The following SPIDR variants were observed in gnomAD, a reference collection of about 807,000 sequenced individuals.
SPIDR encodes the protein scaffold protein involved in DNA repair.
A neutral mutation model predicts 104.6 loss-of-function variants in SPIDR; 93 were observed. The ratio of observed to expected loss-of-function variants is 0.89; its 90% CI spans 0.75 to 1.06. SPIDR has a LOEUF of 1.06. SPIDR is among the 50% of genes least tolerant of loss of function. SPIDR has a pLI of 0.00. For missense variants in SPIDR, 1,154 were observed against 1,111.2 expected (o/e 1.04, Z -0.55); for synonymous variants, 431 against 416.9 (o/e 1.03, Z -0.41).
intron 8 of SPIDR, among the ~76,000 whole-genome samples, chr8:47,506,196 A>G (rs1344564103): frequency 2.0e-5 from 3 of 152,232 alleles, no homozygotes; most frequent in Non-Finnish European, 4.4e-5. Context: ...TGGAAGTAAC[A>G]CAGGGAGGAG....
chr8:47,729,465 G>C lies in SPIDR; in HGVS notation c.2604G>C (p.Gly868=), dbSNP rs1028218904. 1.3e-6 allele frequency: 2 copies of C among 1,595,486 alleles called. No homozygotes were observed. Among genetic ancestry groups the C allele is most frequent in the African/African-American group, 2.7e-5 (2 of 74,792 alleles). ...TGAGGTTTGCCGCCGGTGAAGATGG[G>C]GTAAGTGCAGGGGGCCCAGCCCAGG... The part of the protein sequence containing the change: ...SLLRFAAGED[G]SYEVKSVLGK... The change falls in exon 19 of 20, where the codon GGG becomes GGC. Residue 868 remains glycine (G), a splice_region_variant and synonymous_variant. Coordinates refer to ENST00000297423, the MANE Select transcript of SPIDR (RefSeq NM_001080394.4).
intron 5 of SPIDR, among the ~76,000 whole-genome samples, chr8:47,296,730 G>GT (rs1554573000): frequency 3.3e-5 from 5 of 152,074 alleles, no homozygotes; most frequent in Non-Finnish European, 5.9e-5. Context: ...GCCATTTGGG[G>GT]TTTTTTGTGG....
At chr8:47,527,801 G>T (rs2085267717) in intron 8 of SPIDR, 1 of 152,234 alleles carries the variant, frequency 6.6e-6, no homozygotes, top group African/African-American at 2.4e-5. Flanking sequence ...TTTGGACAGA[G>T]AGCTACTATT....
chr8:47,729,589 G>A (rs1048058123), intron 19 of SPIDR, 124 bp downstream of exon 19: 1 of 1,085,612 alleles, frequency 9.2e-7, no homozygotes, highest in South Asian at 1.5e-5. Context: ...AGGAAGTGGT[G>A]TAGACACTCG....
chr8:47,433,123 C>T (rs2067652684), intron 7 of SPIDR, among the ~76,000 whole-genome samples: 1 of 152,168 alleles, frequency 6.6e-6, no homozygotes, highest in Non-Finnish European at 1.5e-5. Flanking sequence ...CCACTGGAGT[C>T]ATTCTTGTAC....
chr8:47,702,400 G>A (rs2080425148), intron 14 of SPIDR, among the ~76,000 whole-genome samples: 1 of 152,142 alleles, frequency 6.6e-6, no homozygotes, highest in Non-Finnish European at 1.5e-5. Flanking sequence ...GGAAAGAGAT[G>A]GAGAAACCTC....
intron 18 of SPIDR, 120 bp from the exon 19 acceptor site, chr8:47,729,292 C>T: frequency 6.9e-7 from 1 of 1,459,000 alleles, no homozygotes; most frequent in Non-Finnish European, 9.2e-7. Flanking sequence ...GGCCGTGAGA[C>T]TGAAGCTCTG....
At chr8:47,399,111 G>C (rs563316154) in intron 6 of SPIDR, among the ~76,000 whole-genome samples, 4 of 152,304 alleles carry the variant, frequency 2.6e-5, no homozygotes, top group Admixed American at 2.6e-4. Context: ...TGAATGTGAG[G>C]GTCAAGGTTT....
At chr8:47,326,760 C>T (rs1346968107) in intron 5 of SPIDR, among the ~76,000 whole-genome samples, 1 of 152,188 alleles carries the variant, frequency 6.6e-6, no homozygotes, top group Non-Finnish European at 1.5e-5. Context: ...TGAGGTTCCT[C>T]CACATTGTAG....
intron 5 of SPIDR, among the ~76,000 whole-genome samples, chr8:47,356,696 C>T (rs1351297703): frequency 6.6e-6 from 1 of 152,094 alleles, no homozygotes; most frequent in Non-Finnish European, 1.5e-5. Context: ...TAGTGGAAAA[C>T]ATGATTGCAC....
intron 10 of SPIDR, among the ~76,000 whole-genome samples, chr8:47,603,154 CT>C (rs11377854): frequency 4.1e-4 from 60 of 147,644 alleles, no homozygotes; most frequent in Non-Finnish European, 4.0e-4. Flanking sequence ...AAGCCATAGG[CT>C]TTTTTTTTTT....
At chr8:47,410,778 T>G (rs782409379) in intron 7 of SPIDR, among the ~76,000 whole-genome samples, 2 of 152,146 alleles carry the variant, frequency 1.3e-5, no homozygotes, top group Non-Finnish European at 2.9e-5. Flanking sequence ...CATTTAGCAT[T>G]ACATATATCT....
chr8:47,432,414 C>T (rs1414979969), intron 7 of SPIDR, among the ~76,000 whole-genome samples: 1 of 152,132 alleles, frequency 6.6e-6, no homozygotes, highest in Non-Finnish European at 1.5e-5. Flanking sequence ...TCAGGAGCAT[C>T]ATGGTTAGCA....
chr8:47,407,909 T>G lies in SPIDR; in HGVS notation c.825T>G (p.Ser275=). The change falls in exon 7 of 20, where the codon TCT becomes TCG. Residue 275 remains serine (S), a synonymous_variant. Coordinates refer to ENST00000297423, the MANE Select transcript of SPIDR (RefSeq NM_001080394.4). ...ATGGACTGCAGAATCGAGAGAGATC[T>G]GCTATTTCTTTGTGGAGACATCAAT... The part of the protein sequence containing the change: ...RLNGLQNRER[S]AISLWRHQCI... The G allele has an allele frequency of 6.2e-7, 1 of 1,606,672 alleles. No individual in the cohort carries two copies. Among genetic ancestry groups the G allele is most frequent in the Non-Finnish European group, 8.5e-7 (1 of 1,175,190 alleles).
rs1230425328 is a variant in SPIDR, at chr8:47,692,266, T to C, written c.1686-8137T>C. 2.0e-5 allele frequency among the ~76,000 whole-genome samples: 3 copies of C among 152,080 alleles called. No homozygotes were observed. In the East Asian group the frequency reaches 5.8e-4, roughly 29 times the overall value. ...AAAGTTGTGCAACCAGCACCCTAATTCTGGCACATTTTCATCACCTCAGAA... is the reference window on the plus strand; with the variant it reads ...AAAGTTGTGCAACCAGCACCCTAATCCTGGCACATTTTCATCACCTCAGAA... On this transcript the variant is annotated intron_variant, in intron 11 of 19. Coordinates refer to ENST00000297423, the MANE Select transcript of SPIDR (RefSeq NM_001080394.4).
At chr8:47,540,708 C>T (rs1013440119) in intron 8 of SPIDR, among the ~76,000 whole-genome samples, 2 of 152,102 alleles carry the variant, frequency 1.3e-5, no homozygotes, top group African/African-American at 4.8e-5. Flanking sequence ...TGTCTTTCCC[C>T]CCATTGCCCC....
intron 8 of SPIDR, among the ~76,000 whole-genome samples, chr8:47,525,173 A>G (rs190769617): frequency 6.6e-5 from 10 of 152,342 alleles, no homozygotes; most frequent in Non-Finnish European, 1.3e-4. Context: ...AACTTCAGCT[A>G]GTTACTCCCT....
chr8:47,463,725 A>G (rs557007389), intron 8 of SPIDR, among the ~76,000 whole-genome samples: 83 of 152,360 alleles, frequency 5.4e-4, no homozygotes, highest in Non-Finnish European at 4.4e-4. Context: ...AAACCAATTC[A>G]TGTAATATAC....
intron 1 of SPIDR, among the ~76,000 whole-genome samples, chr8:47,276,449 A>C (rs1022374270): frequency 3.9e-5 from 6 of 152,228 alleles, no homozygotes; most frequent in Admixed American, 2.6e-4. Context: ...TCCTTATTTC[A>C]AACCAGTTTA....
Sources: allele counts gnomAD v4.1 joint callset (sites outside exome capture counted in the v4.1 genomes callset), GRCh38; gene constraint gnomAD v4.1.1; transcripts MANE v1.5; gene names NCBI Gene and HGNC (gene_info 2026-07-23, HGNC 2026-07-21).